FASTKD1: variants seen among roughly 807,000 people sequenced by gnomAD.
The protein encoded by FASTKD1 is FAST kinase domain-containing protein 1, mitochondrial.
FASTKD1 carries 94 observed loss-of-function variants against 90.9 expected under a neutral mutation model. The ratio of observed to expected loss-of-function variants is 1.03; its 90% confidence interval spans 0.88 to 1.23. FASTKD1 has a LOEUF of 1.23. FASTKD1 is among the 50% of genes most tolerant of loss of function. FASTKD1 has a pLI of 0.00. For synonymous variants in FASTKD1, 319 were observed against 345.8 expected (o/e 0.92, Z 0.86); for missense variants, 945 against 993.5 (o/e 0.95, Z 0.66).
At chr2:169,565,970 C>T (rs776597157) in intron 3 of FASTKD1, among the ~76,000 whole-genome samples, 2 of 152,130 alleles carry the variant, frequency 1.3e-5, no homozygotes, top group Admixed American at 6.5e-5. Flanking sequence ...GCCATTTGCA[C>T]GGGTCTTTTG....
intron 7 of FASTKD1, among the ~76,000 whole-genome samples, chr2:169,553,609 T>C (rs2105384601): frequency 6.6e-6 from 1 of 152,238 alleles, no homozygotes; most frequent in African/African-American, 2.4e-5. Context: ...ATATGCTTGG[T>C]CTTTCAGAAA....
In FASTKD1 at chr2:169,571,480, C is replaced by T. The variant is rs13397075; in HGVS notation, c.377+173G>A. ...TCGGAAGGCTGAGGCAGGAGAATGGCGTGAACCTGGGAGGCAGAGCTTGCA... is the reference window on the plus strand; with the variant it reads ...TCGGAAGGCTGAGGCAGGAGAATGGTGTGAACCTGGGAGGCAGAGCTTGCA... On this transcript the variant is annotated intron_variant, in intron 2 of 14. Transcript: ENST00000453153. 5.9e-3 allele frequency among the ~76,000 whole-genome samples: 899 copies of T among 152,000 alleles called. 5 individuals are homozygous for T. Among genetic ancestry groups the T allele is most frequent in the African/African-American group, 0.02 (827 of 41,434 alleles).
intron 5 of FASTKD1, among the ~76,000 whole-genome samples, chr2:169,557,984 C>T (rs1030205499): frequency 1.3e-5 from 2 of 152,196 alleles, no homozygotes; most frequent in African/African-American, 4.8e-5. Context: ...AGGTTTCAAA[C>T]CCAGTTTCTC....
At chr2:169,560,855 T>C in intron 4 of FASTKD1, 70 bp from the exon 5 acceptor site, 1 of 1,290,036 alleles carries the variant, frequency 7.8e-7, no homozygotes, top group Non-Finnish European at 1.0e-6. Flanking sequence ...TTTTTTTTTT[T>C]TTTTTTTTGT....
rs1685108156 is a variant in FASTKD1 at position 169,544,718 on chromosome 2, T to C, written c.1816+3A>G. On this transcript the variant is annotated splice_donor_region_variant and intron_variant, in intron 9 of 14. Coordinates refer to ENST00000453153, the MANE Select transcript of FASTKD1 (RefSeq NM_024622.6). Reference sequence around the variant, plus strand: ...TCAATGTATTACCAAACAATATACCTACCTAAGTAAGAATTAAGATGTTGC... The same window carrying C: ...TCAATGTATTACCAAACAATATACCCACCTAAGTAAGAATTAAGATGTTGC... 1.3e-6 allele frequency: 2 copies of C among 1,522,724 alleles called. No homozygotes were observed. The highest frequency in any genetic ancestry group is 4.5e-5 in the East Asian group (2 of 44,402). 94.3% of individuals were successfully genotyped at this position (1,522,724 alleles called of 1,614,324 possible).
intron 9 of FASTKD1, among the ~76,000 whole-genome samples, chr2:169,542,251 G>A (rs1426519786): frequency 6.6e-5 from 10 of 152,068 alleles, no homozygotes; most frequent in Non-Finnish European, 1.0e-4. Context: ...TATCTCCAGC[G>A]CCTAGAAGAA....
At chr2:169,561,684 T>C (rs1204054069) in intron 4 of FASTKD1, among the ~76,000 whole-genome samples, 4 of 148,978 alleles carry the variant, frequency 2.7e-5, no homozygotes, top group Admixed American at 6.7e-5. Context: ...TATAAATTAA[T>C]CCATTATAAA....
In FASTKD1 at chr2:169,528,619, C is replaced by T. The variant is rs1431592925; in HGVS notation, c.*1206G>A. On this transcript the variant is annotated 3_prime_UTR_variant, in exon 15 of 15. Coordinates refer to ENST00000453153, the MANE Select transcript of FASTKD1 (RefSeq NM_024622.6). The stretch of plus-strand genomic sequence containing the variant: ...AAGATGGTCCACTCAGCTACTACCC[C>T]ATTTCTTTGCTTCCATTTAGGAGAA... Among the ~76,000 whole-genome samples the T allele has an allele frequency of 6.6e-6, 1 of 152,150 alleles. No homozygotes were observed. The highest frequency in any genetic ancestry group is 6.5e-5 in the Admixed American group (1 of 15,282).
At chr2:169,549,658 G>T (rs544788960) in intron 7 of FASTKD1, among the ~76,000 whole-genome samples, 7 of 151,698 alleles carry the variant, frequency 4.6e-5, no homozygotes, top group Admixed American at 3.9e-4. Context: ...GTGGAGACAG[G>T]GTCTTGCTTT....
intron 12 of FASTKD1, 163 bp from the exon 13 acceptor site, chr2:169,531,653 G>C (rs1012398017): frequency 8.6e-5 from 48 of 560,418 alleles, no homozygotes; most frequent in African/African-American, 8.3e-4. Context: ...ATAAGATCTG[G>C]TCCAATGGCA....
chr2:169,563,224 C>G lies in FASTKD1; in HGVS notation c.572+1G>C. 1 of 1,609,334 alleles carries G rather than the reference C, an allele frequency of 6.2e-7. No individual in the cohort carries two copies. The highest frequency in any genetic ancestry group is 8.5e-7 in the Non-Finnish European group (1 of 1,178,698). On this transcript the variant is annotated splice_donor_variant, in intron 4 of 14. Transcript: ENST00000453153. LOFTEE classifies it high-confidence loss of function. The stretch of plus-strand genomic sequence containing the variant: ...ACACAAGATTCCCTAAATAAATTTA[C>G]CTTAAGTCCTGTGTGGTTTCCAAGT...
chr2:169,561,762 A>AATTTATTATAAATTATTT (rs1683628782), intron 4 of FASTKD1, among the ~76,000 whole-genome samples: 2 of 136,674 alleles, frequency 1.5e-5, no homozygotes, highest in Admixed American at 1.4e-4. Context: ...ATTATTTATT[A>AATTTATTATAAATTATTT]ATTTATTGTA....
intron 10 of FASTKD1, among the ~76,000 whole-genome samples, chr2:169,539,498 G>T (rs1684873858): frequency 6.6e-6 from 1 of 151,754 alleles, no homozygotes. Context: ...GCTGGGTGTG[G>T]GGGCTCACAC....
rs756132402 is a variant in FASTKD1 at position 169,529,729 on chromosome 2, C to A, written c.*96G>T. On this transcript the variant is annotated 3_prime_UTR_variant, in exon 15 of 15. Coordinates refer to ENST00000453153, the MANE Select transcript of FASTKD1 (RefSeq NM_024622.6). The stretch of plus-strand genomic sequence containing the variant: ...CTCAAACATGCCAGGCATGTTCCCA[C>A]CTTAGGACATTTGTACCTATTTTTT... 98 of 795,218 alleles carry A rather than the reference C, an allele frequency of 1.2e-4. 1 individual carries two copies. The South Asian group carries it at 1.5e-3, about 12-fold the overall frequency. 49.3% of individuals were successfully genotyped at this position (795,218 alleles called of 1,614,324 possible). A position where few individuals can be genotyped will look rare whatever the true frequency, so the allele number is the denominator to read the frequency against.
rs751755509 is a variant in FASTKD1, at chr2:169,546,540, C to A, written c.1379G>T (p.Arg460Ile). 2.5e-6 allele frequency: 4 copies of A among 1,614,098 alleles called. No individual in the cohort carries two copies. The Admixed American group carries it at 6.7e-5, about 27-fold the overall frequency. Residue 460 changes from arginine to isoleucine, a missense_variant, in exon 8 of 15, where the codon AGA (arginine) becomes ATA (isoleucine). Arg to Ile is a moderately conservative substitution (Grantham distance 97, BLOSUM62 -3). Coordinates refer to ENST00000453153, the MANE Select transcript of FASTKD1 (RefSeq NM_024622.6). ...ATACATGTGATCATGCTGAATCCATCTTAAAACAGATGTGGCAAAACTACT... is the reference window on the plus strand; with the variant it reads ...ATACATGTGATCATGCTGAATCCATATTAAAACAGATGTGGCAAAACTACT... ...NLSSFATSVL[R>I]WIQHDHMYLD...
At chr2:169,569,957 G>T (rs892755636) in intron 2 of FASTKD1, among the ~76,000 whole-genome samples, 2 of 152,034 alleles carry the variant, frequency 1.3e-5, no homozygotes, top group Non-Finnish European at 2.9e-5. Context: ...TCCCCTTCAA[G>T]TACCTCAGAG....
chr2:169,534,274 G>A (rs1019792763), intron 12 of FASTKD1, among the ~76,000 whole-genome samples: 87 of 147,372 alleles, frequency 5.9e-4, no homozygotes, highest in African/African-American at 2.2e-3. Context: ...AATAAGATTA[G>A]TGACCCTATA....
intron 12 of FASTKD1, 45 bp from the exon 13 acceptor site, chr2:169,531,535 TACAGA>T: frequency 6.7e-7 from 1 of 1,488,758 alleles, no homozygotes; most frequent in South Asian, 1.3e-5. Context: ...GGTAAAGTCT[TACAGA>T]TAAAAGTTTA....
intron 7 of FASTKD1, among the ~76,000 whole-genome samples, chr2:169,548,966 G>A (rs947597503): frequency 5.3e-5 from 8 of 151,206 alleles, no homozygotes; most frequent in African/African-American, 1.9e-4. Flanking sequence ...GCATGGTGGT[G>A]GGTGCCTGTA....
Sources: gnomAD v4.1 joint callset for allele counts (sites outside exome capture counted in the v4.1 genomes callset) on GRCh38, gnomAD v4.1.1 for gene constraint, MANE v1.5 for transcripts, NCBI Gene and HGNC (gene_info 2026-07-23, HGNC 2026-07-21) for gene names.